Variants in SLC31A2 observed in about 807,000 individuals in gnomAD.
SLC31A2 encodes the protein solute carrier family 31 member 2.
In SLC31A2, 16 loss-of-function variants were observed where a neutral mutation model predicts 14.4. The ratio of observed to expected loss-of-function variants is 1.11; its 90% confidence interval spans 0.75 to 1.69. The LOEUF (loss-of-function observed/expected upper bound fraction) is 1.69, where lower values mean the gene tolerates loss of function less well. Among genes scored for constraint, SLC31A2 ranks in the 40% most tolerant of loss-of-function variants. The pLI is 0.00. For synonymous variants in SLC31A2, 56 were observed against 68.7 expected, an observed-to-expected ratio of 0.82 and a Z score of 0.91; for missense variants, 140 against 173.9, an observed-to-expected ratio of 0.81 and a Z score of 1.10.
In SLC31A2 at chr9:113,162,729, T is replaced by C; in HGVS notation, c.264-20T>C. ...TACCAGCTCATTACCAGGATTAACT[T>C]GCTTCTCCTTTTTATCTAGGTGGTA... On this transcript the variant is annotated intron_variant, in intron 3 of 3. Coordinates refer to ENST00000259392, the MANE Select transcript of SLC31A2 (RefSeq NM_001860.3). 1 of 1,601,806 alleles carries C rather than the reference T, an allele frequency of 6.2e-7. No individual in the cohort carries two copies.
chr9:113,155,401 G>A (rs1210756022), intron 1 of SLC31A2, among the ~76,000 whole-genome samples: 1 of 152,234 alleles, frequency 6.6e-6, no homozygotes, highest in Admixed American at 6.5e-5. Context: ...ATGAAATGGA[G>A]CTAAGAATAA....
At chr9:113,158,718 A>C (rs994391465) in intron 2 of SLC31A2, among the ~76,000 whole-genome samples, 5 of 152,214 alleles carry the variant, frequency 3.3e-5, no homozygotes, top group African/African-American at 1.2e-4. Context: ...CAAGAGAACA[A>C]GGTAGAAGTA....
At chr9:113,161,830 G>T (rs776317369) in intron 3 of SLC31A2, 132 bp downstream of exon 3, 4 of 998,422 alleles carry the variant, frequency 4.0e-6, no homozygotes, top group Non-Finnish European at 4.6e-6. Flanking sequence ...ACTTGCCAAA[G>T]TGGCTACACA....
intron 2 of SLC31A2, among the ~76,000 whole-genome samples, chr9:113,159,566 A>G (rs1440115718): frequency 7.2e-5 from 11 of 152,142 alleles, no homozygotes. Flanking sequence ...AAAAAAACCC[A>G]ACTTTTTCCT....
chr9:113,154,956 GCA>G (rs1829915700), intron 1 of SLC31A2, among the ~76,000 whole-genome samples: 1 of 152,196 alleles, frequency 6.6e-6, no homozygotes. Flanking sequence ...TATCCTAATT[GCA>G]CAGAGGCTTT....
rs1322806301 is a variant in SLC31A2, at chr9:113,161,619, A to G, written c.184A>G (p.Ile62Val). 6.2e-7 allele frequency: 1 copy of G among 1,614,042 alleles called. No homozygotes were observed. The highest frequency in any genetic ancestry group is 1.1e-5 in the South Asian group (1 of 91,082). Residue 62 changes from isoleucine to valine, a missense_variant, in exon 3 of 4, where the codon ATC (isoleucine) becomes GTC (valine). By Grantham distance (29) the Ile-to-Val change is conservative. Coordinates refer to ENST00000259392, the MANE Select transcript of SLC31A2 (RefSeq NM_001860.3). ...NQVLVNLPTS[I>V]SQQTIAETDG... is the part of the protein sequence containing the mutation. ...GGTACTGGTGAACCTGCCAACCTCC[A>G]TCAGCCAGCAGACCATCGCAGAGAC...
intron 1 of SLC31A2, chr9:113,152,335 A>G (rs547620391): frequency 6.6e-6 from 1 of 152,394 alleles, no homozygotes; most frequent in South Asian, 2.1e-4. Flanking sequence ...ACTGTAGCCC[A>G]GATCGCTTCT....
chr9:113,159,968 A>G (rs1829986905), intron 2 of SLC31A2, among the ~76,000 whole-genome samples: 1 of 152,130 alleles, frequency 6.6e-6, no homozygotes, highest in African/African-American at 2.4e-5. Context: ...TGAGGTTAGG[A>G]GTTCAAGACC....
intron 1 of SLC31A2, among the ~76,000 whole-genome samples, chr9:113,157,066 C>G (rs1829943517): frequency 6.6e-6 from 1 of 152,230 alleles, no homozygotes; most frequent in African/African-American, 2.4e-5. Flanking sequence ...CAAGGTGGAG[C>G]AAGCACCCTC....
intron 3 of SLC31A2, 138 bp downstream of exon 3, chr9:113,161,836 A>ATGTGTAGC: frequency 2.2e-6 from 2 of 908,972 alleles, no homozygotes; most frequent in Non-Finnish European, 3.5e-6. Flanking sequence ...CAAAGTGGCT[A>ATGTGTAGC]CACATAGCCA....
At chr9:113,162,113 C>T in intron 3 of SLC31A2, 1 of 335,608 alleles carries the variant, frequency 3.0e-6, no homozygotes, top group South Asian at 2.5e-5. Context: ...CTCCTCTCCT[C>T]CCTTCCCACT....
intron 1 of SLC31A2, among the ~76,000 whole-genome samples, chr9:113,152,597 G>A (rs1328032610): frequency 6.6e-6 from 1 of 152,222 alleles, no homozygotes; most frequent in Non-Finnish European, 1.5e-5. Flanking sequence ...CCCCCAGGGA[G>A]CCTCCACTGT....
At chr9:113,162,662 A>G (rs965291993) in intron 3 of SLC31A2, 87 bp from the exon 4 acceptor site, 3 of 1,288,728 alleles carry the variant, frequency 2.3e-6, no homozygotes, top group Non-Finnish European at 1.1e-6. Context: ...CACGTAACTC[A>G]ACAGCTTTCT....
intron 1 of SLC31A2, among the ~76,000 whole-genome samples, chr9:113,152,588 C>T (rs1296011681): frequency 6.6e-6 from 1 of 152,184 alleles, no homozygotes; most frequent in Non-Finnish European, 1.5e-5. Context: ...TCCCCAGCAC[C>T]CCCAGGGAGC....
At chr9:113,153,678 C>T (rs928943713) in intron 1 of SLC31A2, among the ~76,000 whole-genome samples, 3 of 152,212 alleles carry the variant, frequency 2.0e-5, no homozygotes, top group African/African-American at 7.2e-5. Flanking sequence ...CATGCAGTCC[C>T]TCAGAAGACA....
intron 1 of SLC31A2, among the ~76,000 whole-genome samples, chr9:113,155,548 G>A (rs1829922540): frequency 6.6e-6 from 1 of 152,222 alleles, no homozygotes; most frequent in South Asian, 2.1e-4. Context: ...CTAGAGGATA[G>A]TCTATGAGAT....
rs768460675 is a variant in SLC31A2, at chr9:113,161,815, C to A, written c.263+117C>A. On this transcript the variant is annotated intron_variant, in intron 3 of 3. Transcript: ENST00000259392. ...GAGGACAGCGAGGCCCAGGGAAGGA[C>A]CAGGACTTGCCAAAGTGGCTACACA... The A allele has an allele frequency of 2.6e-6, 3 of 1,133,318 alleles. No individual in the cohort carries two copies. The South Asian group carries it at 3.8e-5, about 15-fold the overall frequency. The allele number at this position is 1,133,318 out of a possible 1,614,324, so 70.2% of individuals were successfully genotyped here.
Position 113,161,520 on chromosome 9 carries a change from T to C in SLC31A2, c.85T>C (p.Ser29Pro). Reference sequence around the variant, plus strand: ...GCCTCCTTTGACAGGCATGGCCCTTTCGGTGTTGGTGCTCCTGCTTCTGGC... The same window carrying C: ...GCCTCCTTTGACAGGCATGGCCCTTCCGGTGTTGGTGCTCCTGCTTCTGGC... The part of the protein sequence containing the change: ...SVHSPAGMAL[S>P]VLVLLLLAVL... Residue 29 changes from serine to proline, a missense_variant, in exon 3 of 4, where the codon TCG (serine) becomes CCG (proline). Coordinates refer to ENST00000259392, the MANE Select transcript of SLC31A2 (RefSeq NM_001860.3). The C allele has an allele frequency of 6.2e-7, 1 of 1,613,932 alleles. No individual in the cohort carries two copies. Among genetic ancestry groups the C allele is most frequent in the Non-Finnish European group, 8.5e-7 (1 of 1,179,866 alleles).
intron 2 of SLC31A2, among the ~76,000 whole-genome samples, chr9:113,159,604 C>T (rs191616607): frequency 9.7e-4 from 148 of 152,282 alleles, no homozygotes; most frequent in Admixed American, 2.9e-3. Flanking sequence ...ACTTCTGTGA[C>T]CAGATGTGTA....
Sources: allele counts gnomAD v4.1 joint callset (sites outside exome capture counted in the v4.1 genomes callset), GRCh38; gene constraint gnomAD v4.1.1; transcripts MANE v1.5; gene names NCBI Gene and HGNC (gene_info 2026-07-23, HGNC 2026-07-21).